The following RNF4 variants were observed in gnomAD, a reference collection of about 807,000 sequenced individuals.
RNF4 encodes the protein E3 ubiquitin-protein ligase RNF4.
Under a neutral mutation model 24.3 loss-of-function variants are expected in RNF4, and 7 were observed. The ratio of observed to expected loss-of-function variants is 0.29; its 90% confidence interval spans 0.16 to 0.54. RNF4 has a LOEUF of 0.54. RNF4 is among the 20% of genes least tolerant of loss of function. RNF4 has a pLI of 0.95. For synonymous variants in RNF4, 83 were observed against 84.3 expected (o/e 0.98, Z 0.09); for missense variants, 209 against 248.5 (o/e 0.84, Z 1.07).
chr4:2,499,276 G>A (rs927706876), intron 3 of RNF4: 5 of 450,970 alleles, frequency 1.1e-5, no homozygotes, highest in African/African-American at 8.1e-5. Flanking sequence ...ACTTCATTTA[G>A]TGTTTTGTTG....
chr4:2,506,426 C>T (rs1052018126), intron 4 of RNF4: 1 of 152,202 alleles, frequency 6.6e-6, no homozygotes, highest in African/African-American at 2.4e-5. Flanking sequence ...AAGTGATATA[C>T]CTGACTCAGC....
intron 4 of RNF4, among the ~76,000 whole-genome samples, chr4:2,509,836 T>A (rs2108778282): frequency 6.6e-6 from 1 of 152,200 alleles, no homozygotes; most frequent in East Asian, 1.9e-4. Context: ...AATTAGTGGG[T>A]CATCTTGGCA....
intron 1 of RNF4, among the ~76,000 whole-genome samples, chr4:2,470,545 T>G (rs1055087431): frequency 2.0e-5 from 3 of 152,264 alleles, no homozygotes; most frequent in African/African-American, 7.2e-5. Flanking sequence ...TTACTACCTT[T>G]GTAAGGACCT....
At chr4:2,502,187 G>C (rs954362193) in intron 4 of RNF4, among the ~76,000 whole-genome samples, 2 of 152,192 alleles carry the variant, frequency 1.3e-5, no homozygotes, top group Admixed American at 1.3e-4. Context: ...CTGGAAAGTG[G>C]TGTCTGCAGA....
At chr4:2,504,597 C>G (rs1053020432) in intron 4 of RNF4, among the ~76,000 whole-genome samples, 7 of 151,264 alleles carry the variant, frequency 4.6e-5, no homozygotes, top group Non-Finnish European at 8.8e-5. Flanking sequence ...GTTACCCAGG[C>G]TGGAGTGCAG....
At chr4:2,503,894 T>A (rs1270826161) in intron 4 of RNF4, among the ~76,000 whole-genome samples, 3 of 152,142 alleles carry the variant, frequency 2.0e-5, no homozygotes, top group Non-Finnish European at 4.4e-5. Flanking sequence ...AATATAGGAA[T>A]CCCTGGATAC....
At chr4:2,501,518 C>T (rs1196551087) in intron 4 of RNF4, among the ~76,000 whole-genome samples, 1 of 152,200 alleles carries the variant, frequency 6.6e-6, no homozygotes, top group Admixed American at 6.5e-5. Flanking sequence ...GGAGGGAGGC[C>T]TTGTCTGGTC....
intron 4 of RNF4, among the ~76,000 whole-genome samples, chr4:2,502,329 T>G (rs753607732): frequency 4.6e-4 from 70 of 152,216 alleles, no homozygotes; most frequent in Non-Finnish European, 9.3e-4. Context: ...ATTGATTGGC[T>G]TTTGTTGGCT....
At chr4:2,478,483 G>T (rs1249994862) in intron 1 of RNF4, among the ~76,000 whole-genome samples, 2 of 152,170 alleles carry the variant, frequency 1.3e-5, no homozygotes, top group Non-Finnish European at 2.9e-5. Flanking sequence ...TGGTTTCCTG[G>T]GCTGGGCCCA....
At chr4:2,500,791 A>G (rs35315554) in intron 4 of RNF4, 53 bp downstream of exon 4, 35,636 of 1,558,046 alleles carry the variant, frequency 0.023, 436 homozygotes, top group Non-Finnish European at 0.026. Context: ...GTCCCTGGCC[A>G]GTGCCAGCAT....
chr4:2,481,401 A>G (rs1384841554), intron 1 of RNF4, among the ~76,000 whole-genome samples: 1 of 152,114 alleles, frequency 6.6e-6, no homozygotes, highest in African/African-American at 2.4e-5. Context: ...TTTAAGGAAC[A>G]CATATGTCCG....
chr4:2,501,929 G>A (rs1411734360), intron 4 of RNF4, among the ~76,000 whole-genome samples: 1 of 152,158 alleles, frequency 6.6e-6, no homozygotes, highest in East Asian at 1.9e-4. Context: ...AAAAGGACAG[G>A]GATGGAAAAC....
intron 4 of RNF4, among the ~76,000 whole-genome samples, chr4:2,501,911 A>G (rs1265805048): frequency 6.6e-6 from 1 of 152,234 alleles, no homozygotes; most frequent in Non-Finnish European, 1.5e-5. Flanking sequence ...CAAGACTTCA[A>G]TGCAAAGAAA....
At position 2,512,815 on chromosome 4, in the gene RNF4, T is replaced by C. The variant is rs1736306049; in HGVS notation, c.374+218T>C. ...GCGCTGACACAGTGTGTGCAGACAG[T>C]CCCAGTGGCCCCAGACAGGGATCCT... is the stretch of plus-strand genomic sequence containing the variant. On this transcript the variant is annotated intron_variant, in intron 6 of 7. Coordinates refer to ENST00000314289, the MANE Select transcript of RNF4 (RefSeq NM_002938.5). This position sits in a 1 kb window ranked among gnomAD's most constrained non-coding sequence, Gnocchi z 4.1. Among the ~76,000 whole-genome samples, 1 of 152,092 alleles carries C rather than the reference T, an allele frequency of 6.6e-6. No individual in the cohort carries two copies. Among genetic ancestry groups the C allele is most frequent in the African/African-American group, 2.4e-5 (1 of 41,412 alleles).
chr4:2,507,673 C>T (rs1460403751), intron 4 of RNF4, among the ~76,000 whole-genome samples: 1 of 152,112 alleles, frequency 6.6e-6, no homozygotes, highest in East Asian at 1.9e-4. Context: ...TTCTTTCATG[C>T]AGAGGTGTTC....
intron 1 of RNF4, among the ~76,000 whole-genome samples, chr4:2,483,929 C>A (rs1578504144): frequency 6.6e-6 from 1 of 151,532 alleles, no homozygotes; most frequent in Admixed American, 6.6e-5. Context: ...TGGGTTCGAG[C>A]GATTCTCCTG....
rs1736335531 is a variant in RNF4 at position 2,513,799 on chromosome 4, T to C, written c.553T>C (p.Tyr185His). 2 of 1,613,812 alleles carry C rather than the reference T, an allele frequency of 1.2e-6. No homozygotes were observed. Among genetic ancestry groups the C allele is most frequent in the Admixed American group, 1.7e-5 (1 of 59,986 alleles). The stretch of plus-strand genomic sequence containing the variant: ...TAGGAAAAAGATCAACCACAAACGG[T>C]ACCACCCCATTTATATATGAAGTAT... ...TCRKKINHKR[Y>H]HPIYI is the part of the protein sequence containing the mutation. Residue 185 changes from tyrosine to histidine, a missense_variant, in exon 8 of 8, where the codon TAC (tyrosine) becomes CAC (histidine). By Grantham distance (83) the Tyr-to-His change is moderately conservative. This residue lies in a region of RNF4 where 17 missense variants were observed against 16.2 expected (regional missense o/e 1.05). Coordinates refer to ENST00000314289, the MANE Select transcript of RNF4 (RefSeq NM_002938.5).
intron 1 of RNF4, among the ~76,000 whole-genome samples, chr4:2,488,458 C>A (rs1419557226): frequency 6.6e-6 from 1 of 151,836 alleles, no homozygotes; most frequent in African/African-American, 2.4e-5. Context: ...GTCTCAAAAA[C>A]AACAACAACA....
chr4:2,490,498 G>A lies in RNF4; in HGVS notation c.5G>A (p.Ser2Asn). The change falls in exon 2 of 8, where the codon AGT becomes AAT. Residue 2 changes from serine (S) to asparagine (N), a missense_variant. Transcript: ENST00000314289. The stretch of plus-strand genomic sequence containing the variant: ...GGAAAGGCACCAAAGAGCACAATGA[G>A]TACAGTAAGTTTTATCATCTCTTGA... Reference protein sequence around the residue: MSTRKRRGGAIN... With the variant: MNTRKRRGGAIN... 1.9e-6 allele frequency: 3 copies of A among 1,612,200 alleles called. No individual in the cohort carries two copies. Among genetic ancestry groups the A allele is most frequent in the Non-Finnish European group, 2.5e-6 (3 of 1,179,120 alleles).
Sources: allele counts gnomAD v4.1 joint callset (sites outside exome capture counted in the v4.1 genomes callset), GRCh38; gene constraint gnomAD v4.1.1; regional missense constraint gnomAD v4.1.1; non-coding constraint Gnocchi (gnomAD v3.1); transcripts MANE v1.5; gene names NCBI Gene and HGNC (gene_info 2026-07-23, HGNC 2026-07-21).